The following PHACTR1 variants were observed in gnomAD, a reference collection of about 807,000 sequenced individuals.
PHACTR1 encodes the protein phosphatase and actin regulator 1.
Under a neutral mutation model 69.2 loss-of-function variants are expected in PHACTR1, and 16 were observed. That is an observed-to-expected ratio of 0.23 (90% CI 0.16 to 0.35). The LOEUF is 0.35. Ranked by LOEUF, PHACTR1 falls within the 10% of genes least tolerant of loss-of-function variation. The pLI is 1.00. For synonymous variants in PHACTR1, 312 were observed against 284.5 expected (o/e 1.10, Z -0.97); for missense variants, 510 against 734.7 (o/e 0.69, Z 3.54).
chr6:12,904,773 A>G (rs1031001386), intron 4 of PHACTR1, among the ~76,000 whole-genome samples: 1 of 152,124 alleles, frequency 6.6e-6, no homozygotes, highest in African/African-American at 2.4e-5. Context: ...TATGTCATGT[A>G]AAGGGCACGG....
chr6:12,845,425 A>AAACACCCCCC (rs1561938718), intron 4 of PHACTR1, among the ~76,000 whole-genome samples: 1 of 14,810 alleles, frequency 6.8e-5, no homozygotes, highest in Non-Finnish European at 1.2e-4. Flanking sequence ...TGTGAACACC[A>AAACACCCCCC]CCCACCCCCC....
intron 5 of PHACTR1, among the ~76,000 whole-genome samples, chr6:13,143,670 T>C (rs1404974649): frequency 6.6e-6 from 1 of 152,004 alleles, no homozygotes; most frequent in African/African-American, 2.4e-5. Context: ...AAATATAAAT[T>C]AAAAAATAAA....
chr6:13,140,862 G>C (rs1345723098), intron 5 of PHACTR1, among the ~76,000 whole-genome samples: 2 of 152,210 alleles, frequency 1.3e-5, no homozygotes, highest in Non-Finnish European at 1.5e-5. Flanking sequence ...ATGCATGACA[G>C]AGTCCAGACA....
In PHACTR1 at chr6:13,066,587, T is replaced by C. The variant is rs533702261; in HGVS notation, c.415+13058T>C. ...CTGTGTTACAAAACCCCCTAAAACA[T>C]AATGGCTTAAAAACAGCAACCTCTG... On this transcript the variant is annotated intron_variant, in intron 5 of 14. Transcript: ENST00000332995. 1.5e-4 allele frequency among the ~76,000 whole-genome samples: 23 copies of C among 152,292 alleles called. 1 individual carries two copies. Among genetic ancestry groups the C allele is most frequent in the Middle Eastern group, 3.4e-3 (1 of 294 alleles).
At chr6:12,889,280 C>G (rs1039551257) in intron 4 of PHACTR1, among the ~76,000 whole-genome samples, 2 of 152,090 alleles carry the variant, frequency 1.3e-5, no homozygotes, top group African/African-American at 4.8e-5. Context: ...CAAAAACACA[C>G]AAATAAAATC....
intron 4 of PHACTR1, among the ~76,000 whole-genome samples, chr6:13,039,608 C>A (rs1442565406): frequency 6.6e-6 from 1 of 152,184 alleles, no homozygotes; most frequent in Admixed American, 6.5e-5. Context: ...GATTGCAGCT[C>A]ATGTCATTAA....
rs141890407 is a variant in PHACTR1, at chr6:13,240,426, T to G, written c.1391+10233T>G. Among the ~76,000 whole-genome samples, 986 of 151,714 alleles carry G rather than the reference T, an allele frequency of 6.5e-3. 12 individuals carry two copies. Among genetic ancestry groups the G allele is most frequent in the African/African-American group, 0.016 (640 of 41,028 alleles). ...TTAGGATATTCGTTGTGGGTTTTTTTTTGTTGTTGTTTTTTTGTTTTGTTT... is the reference window on the plus strand; with the variant it reads ...TTAGGATATTCGTTGTGGGTTTTTTGTTGTTGTTGTTTTTTTGTTTTGTTT... On this transcript the variant is annotated intron_variant, in intron 10 of 14. Transcript: ENST00000332995.
intron 5 of PHACTR1, among the ~76,000 whole-genome samples, chr6:13,056,615 A>G (rs1806824801): frequency 6.6e-6 from 1 of 152,186 alleles, no homozygotes; most frequent in South Asian, 2.1e-4. Context: ...TGAAAGAAGG[A>G]TAGGGACCAC....
chr6:12,960,713 C>T (rs1056939474), intron 4 of PHACTR1, among the ~76,000 whole-genome samples: 2 of 152,140 alleles, frequency 1.3e-5, no homozygotes, highest in South Asian at 4.1e-4. Context: ...TGTGATTCTG[C>T]CCTTTTCTCA....
At chr6:13,203,667 T>G (rs1268925043) in intron 7 of PHACTR1, among the ~76,000 whole-genome samples, 1 of 152,156 alleles carries the variant, frequency 6.6e-6, no homozygotes, top group Non-Finnish European at 1.5e-5. Flanking sequence ...CGACTAGTAA[T>G]TGACCAAGAA....
intron 4 of PHACTR1, among the ~76,000 whole-genome samples, chr6:12,984,807 T>C (rs1193738906): frequency 6.6e-6 from 1 of 152,242 alleles, no homozygotes; most frequent in Non-Finnish European, 1.5e-5. Context: ...CGTCTAATGA[T>C]GAATCTATAA....
At chr6:13,045,414 A>G (rs1391585239) in intron 4 of PHACTR1, among the ~76,000 whole-genome samples, 1 of 152,204 alleles carries the variant, frequency 6.6e-6, no homozygotes, top group Non-Finnish European at 1.5e-5. Flanking sequence ...AATAGTCATC[A>G]GCACCGATAC....
At chr6:13,199,293 A>G (rs1010079410) in intron 7 of PHACTR1, among the ~76,000 whole-genome samples, 13 of 150,864 alleles carry the variant, frequency 8.6e-5, no homozygotes, top group African/African-American at 2.7e-4. Flanking sequence ...AGGCTAAAGC[A>G]GAATTGCTTG....
rs968524618 is a variant in PHACTR1 at position 12,726,177 on chromosome 6, A to G, written c.103+7330A>G. 3.3e-5 allele frequency among the ~76,000 whole-genome samples: 5 copies of G among 152,184 alleles called. No homozygotes were observed. The East Asian group carries it at 9.6e-4, about 29-fold the overall frequency. On this transcript the variant is annotated intron_variant, in intron 3 of 14. Transcript: ENST00000332995. ...ATATACAGCAGGGAAATTTAGGTCT[A>G]TTATTGAAAAAAATCAATCTTTTAA... is the stretch of plus-strand genomic sequence containing the variant.
At chr6:13,020,709 A>C (rs1033331831) in intron 4 of PHACTR1, among the ~76,000 whole-genome samples, 14 of 152,252 alleles carry the variant, frequency 9.2e-5, no homozygotes, top group African/African-American at 3.1e-4. Context: ...CTATCTCCTC[A>C]TGACTGCTAT....
chr6:12,969,235 G>A (rs1200448524), intron 4 of PHACTR1, among the ~76,000 whole-genome samples: 1 of 152,192 alleles, frequency 6.6e-6, no homozygotes, highest in Non-Finnish European at 1.5e-5. Flanking sequence ...TTTTTAGTCT[G>A]CCTCTCTTAA....
At chr6:12,873,499 G>T (rs1384150141) in intron 4 of PHACTR1, among the ~76,000 whole-genome samples, 1 of 151,830 alleles carries the variant, frequency 6.6e-6, no homozygotes. Flanking sequence ...GCGTTACTGA[G>T]CCTTTAAGTC....
At chr6:13,050,024 T>A (rs1805677585) in intron 4 of PHACTR1, among the ~76,000 whole-genome samples, 1 of 152,198 alleles carries the variant, frequency 6.6e-6, no homozygotes, top group African/African-American at 2.4e-5. Context: ...AAAGAGGAAG[T>A]GACCTGTGAG....
At chr6:13,083,300 C>G (rs1411134311) in intron 5 of PHACTR1, among the ~76,000 whole-genome samples, 2 of 151,954 alleles carry the variant, frequency 1.3e-5, no homozygotes, top group African/African-American at 2.4e-5. Flanking sequence ...TTCCATTGGT[C>G]TATATCTCTG....
Sources: allele counts gnomAD v4.1 joint callset (sites outside exome capture counted in the v4.1 genomes callset), GRCh38; gene constraint gnomAD v4.1.1; transcripts MANE v1.5; gene names NCBI Gene and HGNC (gene_info 2026-07-23, HGNC 2026-07-21).